SPATA7: variants seen among roughly 807,000 people sequenced by gnomAD.
SPATA7 encodes spermatogenesis-associated protein 7.
SPATA7 carries 43 observed loss-of-function variants against 51.8 expected under a neutral mutation model. That is an observed-to-expected ratio of 0.83 (90% CI 0.65 to 1.07). The LOEUF (loss-of-function observed/expected upper bound fraction) is 1.07. Among genes scored for constraint, SPATA7 ranks in the 50% least tolerant of loss-of-function variants. SPATA7 has a pLI of 0.00. For synonymous variants in SPATA7, 230 were observed against 252.8 expected (o/e 0.91, Z 0.86); for missense variants, 683 against 701.3 (o/e 0.97, Z 0.30).
chr14:88,433,207 A>C lies in SPATA7; in HGVS notation c.1155A>C (p.Ser385=), dbSNP rs1290349206. ...AAATTTTGAAACTTGGTTTATTTTC[A>C]AACAGGTTAGTTTTTTTAATGGTGT... The part of the protein sequence containing the change: ...TDEILKLGLF[S]NRFLERLFER... The change falls in exon 10 of 12, where the codon TCA becomes TCC. Residue 385 remains serine, a synonymous_variant. Coordinates refer to ENST00000393545, the MANE Select transcript of SPATA7 (RefSeq NM_018418.5). 3.7e-6 allele frequency: 6 copies of C among 1,605,248 alleles called. No individual in the cohort carries two copies. The highest frequency in any genetic ancestry group is 1.7e-5 in the Admixed American group (1 of 59,954).
downstream of SPATA7, chr14:88,455,327 A>C (rs2077277167): frequency 4.4e-6 from 1 of 228,476 alleles, no homozygotes; most frequent in African/African-American, 2.2e-5. Flanking sequence ...ATTGGCACCT[A>C]CTAAGGAAAC....
intron 3 of SPATA7, among the ~76,000 whole-genome samples, chr14:88,448,332 C>G (rs2077228279): frequency 6.6e-6 from 1 of 152,174 alleles, no homozygotes; most frequent in Admixed American, 6.5e-5. Context: ...GTTTTCAGCT[C>G]CATCAGCTCC....
chr14:88,394,314 G>C (rs935249349), intron 3 of SPATA7, among the ~76,000 whole-genome samples: 1 of 151,998 alleles, frequency 6.6e-6, no homozygotes, highest in African/African-American at 2.4e-5. Context: ...CTAGTCCTTT[G>C]CCGTCAGTCC....
chr14:88,393,500 C>A lies in SPATA7; in HGVS notation c.190+12C>A, dbSNP rs1479123532. On this transcript the variant is annotated intron_variant, in intron 3 of 11. Coordinates refer to ENST00000393545, the MANE Select transcript of SPATA7 (RefSeq NM_018418.5). The stretch of plus-strand genomic sequence containing the variant: ...CCTTTCAGCCAAAGGTAAAAATGTG[C>A]AAATGTGAACTCTCTGTACTCAATT... 3.8e-6 allele frequency: 6 copies of A among 1,559,618 alleles called. No individual in the cohort carries two copies. The highest frequency in any genetic ancestry group is 5.3e-6 in the Non-Finnish European group (6 of 1,138,562).
Position 88,415,381 on chromosome 14 carries a change from A to G in SPATA7, c.239-1330A>G, listed in dbSNP as rs115102965. 630 of 171,160 alleles carry G rather than the reference A, an allele frequency of 3.7e-3. 3 individuals carry two copies. Among genetic ancestry groups the G allele is most frequent in the African/African-American group, 0.013 (566 of 42,214 alleles). 10.6% of individuals were successfully genotyped at this position (171,160 alleles called of 1,614,324 possible). Reference sequence around the variant, plus strand: ...CAAGAATAGCAACCCCTGCTCTTCTATTTACTGTTTGCATGATAGGTCTTT... The same window carrying G: ...CAAGAATAGCAACCCCTGCTCTTCTGTTTACTGTTTGCATGATAGGTCTTT... On this transcript the variant is annotated intron_variant, in intron 4 of 11. Transcript: ENST00000393545.
At chr14:88,387,523 C>A (rs560074713) in intron 1 of SPATA7, among the ~76,000 whole-genome samples, 1 of 152,158 alleles carries the variant, frequency 6.6e-6, no homozygotes, top group East Asian at 1.9e-4. Context: ...TCTTAGATTT[C>A]ATTAGGAGGT....
chr14:88,402,600 G>A (rs2076091799), intron 4 of SPATA7, among the ~76,000 whole-genome samples: 1 of 152,040 alleles, frequency 6.6e-6, no homozygotes, highest in Admixed American at 6.6e-5. Flanking sequence ...CATGCAGAAG[G>A]ATGAAAATGG....
downstream of SPATA7, among the ~76,000 whole-genome samples, chr14:88,439,013 A>T (rs1413113717): frequency 6.6e-6 from 1 of 152,198 alleles, no homozygotes; most frequent in Non-Finnish European, 1.5e-5. Flanking sequence ...ATGCCAGAAC[A>T]CAGGAATCAC....
At chr14:88,399,801 A>G (rs949363283) in intron 4 of SPATA7, among the ~76,000 whole-genome samples, 2 of 152,224 alleles carry the variant, frequency 1.3e-5, no homozygotes, top group African/African-American at 2.4e-5. Context: ...ACAATTATCT[A>G]CATACCCAAC....
chr14:88,408,909 T>C (rs1376306378), intron 4 of SPATA7, among the ~76,000 whole-genome samples: 2 of 152,236 alleles, frequency 1.3e-5, no homozygotes, highest in Non-Finnish European at 2.9e-5. Context: ...ATGAATTATG[T>C]TTATTGATTT....
At chr14:88,411,425 A>G (rs2076338347) in intron 4 of SPATA7, among the ~76,000 whole-genome samples, 1 of 152,050 alleles carries the variant, frequency 6.6e-6, no homozygotes, top group Admixed American at 6.5e-5. Flanking sequence ...TATGGAAAAA[A>G]ACTCCTATAG....
chr14:88,427,719 G>A, intron 7 of SPATA7, 23 bp downstream of exon 7: 1 of 1,509,534 alleles, frequency 6.6e-7, no homozygotes, highest in Non-Finnish European at 9.2e-7. Context: ...AAATCTTTTG[G>A]TATTGCTACA....
intron 1 of SPATA7, among the ~76,000 whole-genome samples, chr14:88,387,992 G>A (rs1388401471): frequency 6.6e-6 from 1 of 152,130 alleles, no homozygotes. Flanking sequence ...CTTGAGGTCA[G>A]GAGTTTGAGA....
rs542727632 is a variant in SPATA7 at position 88,469,793 on chromosome 14, T to C, written c.255-54T>C. 25 of 1,597,950 alleles carry C rather than the reference T, an allele frequency of 1.6e-5. No homozygotes were observed. Among genetic ancestry groups the C allele is most frequent in the Middle Eastern group, 1.7e-4 (1 of 6,052 alleles). On this transcript the variant is annotated intron_variant, in intron 4 of 4. Coordinates refer to the SPATA7 transcript ENST00000556406. This position sits in a 1 kb window ranked among gnomAD's most constrained non-coding sequence, Gnocchi z 4.3. ...TCCGGCAATGGATGCCTTTCTCACA[T>C]AGACGGCACATCTGAAACAGAACCA... is the stretch of plus-strand genomic sequence containing the variant.
At chr14:88,438,804 A>G (rs74075325), downstream of SPATA7, among the ~76,000 whole-genome samples, 3,973 of 152,322 alleles carry the variant, frequency 0.026, 183 homozygotes, top group African/African-American at 0.09. Context: ...CCCTTTCCTT[A>G]GGGAAATTAT....
intron 1 of SPATA7, among the ~76,000 whole-genome samples, chr14:88,391,143 A>G (rs568451681): frequency 4.4e-4 from 67 of 152,238 alleles, no homozygotes; most frequent in African/African-American, 1.5e-3. Context: ...TAGCCATCTT[A>G]CCCTCTTAAA....
chr14:88,433,332 T>G, intron 10 of SPATA7, 120 bp downstream of exon 10: 3 of 703,902 alleles, frequency 4.3e-6, no homozygotes, highest in Non-Finnish European at 7.1e-6. Context: ...AAAAATATAT[T>G]GCTTTCTTGG....
chr14:88,394,307 G>A (rs2075823053), intron 3 of SPATA7, among the ~76,000 whole-genome samples: 1 of 152,050 alleles, frequency 6.6e-6, no homozygotes, highest in South Asian at 2.1e-4. Context: ...GTTCCCCCTA[G>A]TCCTTTGCCG....
At chr14:88,431,712 G>A (rs1179693029) in intron 9 of SPATA7, among the ~76,000 whole-genome samples, 1 of 152,112 alleles carries the variant, frequency 6.6e-6, no homozygotes, top group East Asian at 1.9e-4. Flanking sequence ...AACATGCGAT[G>A]TTTAACTTTC....
Sources: gnomAD v4.1 joint callset for allele counts (sites outside exome capture counted in the v4.1 genomes callset) on GRCh38, gnomAD v4.1.1 for gene constraint, Gnocchi (gnomAD v3.1) non-coding constraint, MANE v1.5 for transcripts, NCBI Gene and HGNC (gene_info 2026-07-23, HGNC 2026-07-21) for gene names.